THSD7A: variants seen among roughly 807,000 people sequenced by gnomAD.
THSD7A encodes thrombospondin type 1 domain containing 7A.
THSD7A carries 96 observed loss-of-function variants against 231.3 expected under a neutral mutation model. That is an observed-to-expected ratio of 0.41 (90% CI 0.35 to 0.49). The LOEUF is 0.49. Among genes scored for constraint, THSD7A ranks in the 20% least tolerant of loss-of-function variants. The pLI is 0.05. For missense variants in THSD7A, 2,290 were observed against 2,070.2 expected, an observed-to-expected ratio of 1.11 and a Z score of -2.06; for synonymous variants, 940 against 743.3, an observed-to-expected ratio of 1.26 and a Z score of -4.30.
rs752405054 is a variant in THSD7A at position 11,470,011 on chromosome 7, G to A, written c.2253-17C>T. 4.0e-6 allele frequency: 6 copies of A among 1,487,186 alleles called. No homozygotes were observed. The highest frequency in any genetic ancestry group is 5.5e-6 in the Non-Finnish European group (6 of 1,082,220). 92.1% of individuals were successfully genotyped at this position (1,487,186 alleles called of 1,614,324 possible). ...TCAGGACATCTAGAAAGGCAAAGGGGAATTATTAGGCTTCAATAGTAAAGC... is the reference window on the plus strand; with the variant it reads ...TCAGGACATCTAGAAAGGCAAAGGGAAATTATTAGGCTTCAATAGTAAAGC... On this transcript the variant is annotated splice_polypyrimidine_tract_variant and intron_variant, in intron 8 of 27. Coordinates refer to ENST00000423059, the MANE Select transcript of THSD7A (RefSeq NM_015204.3).
intron 1 of THSD7A, among the ~76,000 whole-genome samples, chr7:11,788,775 G>T (rs1783865336): frequency 6.6e-6 from 1 of 151,872 alleles, no homozygotes; most frequent in African/African-American, 2.4e-5. Flanking sequence ...TCTGTAAAAT[G>T]GGGACAATAA....
chr7:11,439,908 T>G (rs575159538), intron 13 of THSD7A, among the ~76,000 whole-genome samples: 12 of 152,018 alleles, frequency 7.9e-5, no homozygotes, highest in Non-Finnish European at 1.6e-4. Flanking sequence ...AAGCAACAGA[T>G]TTTTCAATGT....
chr7:11,373,034 A>AATT lies in THSD7A; in HGVS notation c.*2757_*2759dup, dbSNP rs1782117851. On this transcript the variant is annotated 3_prime_UTR_variant, in exon 28 of 28. Transcript: ENST00000423059. ...TCTAATATTAGGTCATGTTGAACCT[A>AATT]ATTTCCTCTCTCTCATATATATGGG... 6.7e-6 allele frequency: 1 copy of AATT among 149,706 alleles called. No individual in the cohort carries two copies. The allele number at this position is 149,706 out of a possible 1,614,324, so 9.3% of individuals were successfully genotyped here. A position where few individuals can be genotyped will look rare whatever the true frequency, so the allele number is the denominator to read the frequency against.
At chr7:11,544,013 A>G (rs1271852379) in intron 4 of THSD7A, among the ~76,000 whole-genome samples, 1 of 152,084 alleles carries the variant, frequency 6.6e-6, no homozygotes, top group African/African-American at 2.4e-5. Context: ...CTGTCTGTCT[A>G]TCTCCTGATG....
chr7:11,404,150 A>G (rs1403297482), intron 22 of THSD7A, among the ~76,000 whole-genome samples: 3 of 152,118 alleles, frequency 2.0e-5, no homozygotes, highest in Non-Finnish European at 4.4e-5. Flanking sequence ...TATATTATAT[A>G]TTATTGTCAC....
At chr7:11,484,093 A>G (rs17556309) in intron 6 of THSD7A, among the ~76,000 whole-genome samples, 10,739 of 150,128 alleles carry the variant, frequency 0.072, 486 homozygotes, top group Admixed American at 0.099. Flanking sequence ...GGCCAGGTGT[A>G]CTTTCCTGTA....
intron 6 of THSD7A, among the ~76,000 whole-genome samples, chr7:11,538,935 G>T (rs913108189): frequency 6.6e-6 from 1 of 152,154 alleles, no homozygotes; most frequent in African/African-American, 2.4e-5. Flanking sequence ...GTGTTTTGAG[G>T]TCATTAACAA....
At chr7:11,473,119 T>C (rs1192504576) in intron 8 of THSD7A, among the ~76,000 whole-genome samples, 1 of 152,192 alleles carries the variant, frequency 6.6e-6, no homozygotes, top group Non-Finnish European at 1.5e-5. Context: ...GCATGTCTTC[T>C]GTGTTTCCTA....
At chr7:11,827,063 G>A (rs538621151) in intron 1 of THSD7A, among the ~76,000 whole-genome samples, 1 of 152,164 alleles carries the variant, frequency 6.6e-6, no homozygotes, top group African/African-American at 2.4e-5. Context: ...GAGTACAATG[G>A]TGTAGTCATG....
chr7:11,644,105 C>T (rs911042988), intron 1 of THSD7A, among the ~76,000 whole-genome samples: 1 of 150,532 alleles, frequency 6.6e-6, no homozygotes, highest in Non-Finnish European at 1.5e-5. Flanking sequence ...ATTGTGGTTT[C>T]CAGAAATACA....
rs374780919 is a variant in THSD7A, at chr7:11,603,209, T to C, written c.1023-9707A>G. On this transcript the variant is annotated intron_variant, in intron 2 of 27. Transcript: ENST00000423059. ...AAAAACAAACAACCTCATGAAAAAG[T>C]GGGCGAAGGACATGAACAGACACTT... 2.8e-4 allele frequency among the ~76,000 whole-genome samples: 43 copies of C among 151,992 alleles called. No homozygotes were observed. In the East Asian group the frequency reaches 7.9e-3, roughly 28 times the overall value.
In THSD7A at chr7:11,512,942, G is replaced by GATAT. The variant is rs59121982; in HGVS notation, c.1822+28473_1822+28476dup. Among the ~76,000 whole-genome samples, 109 of 101,990 alleles carry GATAT rather than the reference G, an allele frequency of 1.1e-3. 16 individuals are homozygous for GATAT. Among genetic ancestry groups the GATAT allele is most frequent in the African/African-American group, 4.1e-3 (89 of 21,630 alleles). The allele number at this position is 101,990 out of a possible 152,430, so 66.9% of individuals were successfully genotyped here. On this transcript the variant is annotated intron_variant, in intron 6 of 27. Transcript: ENST00000423059. ...TAAAGTATAATAAAAAAGAAACTAT[G>GATAT]ATATATATATATATATATGTAAAAT...
intron 2 of THSD7A, among the ~76,000 whole-genome samples, chr7:11,616,565 C>T (rs1208161144): frequency 6.6e-6 from 1 of 152,134 alleles, no homozygotes; most frequent in Non-Finnish European, 1.5e-5. Flanking sequence ...AATTGAAAAT[C>T]TGCTTCCTAG....
At chr7:11,777,751 A>G (rs1783463843) in intron 1 of THSD7A, among the ~76,000 whole-genome samples, 1 of 152,170 alleles carries the variant, frequency 6.6e-6, no homozygotes, top group Non-Finnish European at 1.5e-5. Flanking sequence ...TTTAACAGGG[A>G]TGAAATAAAT....
intron 6 of THSD7A, among the ~76,000 whole-genome samples, chr7:11,504,442 G>T (rs1310185914): frequency 2.0e-5 from 3 of 152,020 alleles, no homozygotes; most frequent in Non-Finnish European, 4.4e-5. Flanking sequence ...TGACATGTTT[G>T]TCTATATAAC....
chr7:11,526,726 G>A (rs1367654108), intron 6 of THSD7A, among the ~76,000 whole-genome samples: 2 of 152,144 alleles, frequency 1.3e-5, no homozygotes, highest in African/African-American at 2.4e-5. Flanking sequence ...CTGCTGCCAT[G>A]TAAGACATGC....
chr7:11,538,244 CAAAA>C (rs778378681), intron 6 of THSD7A, among the ~76,000 whole-genome samples: 6 of 151,636 alleles, frequency 4.0e-5, no homozygotes, highest in Admixed American at 3.9e-4. Context: ...CAAAAACAAA[CAAAA>C]AAATAACATA....
chr7:11,526,339 CTTGAG>C (rs950499630), intron 6 of THSD7A, among the ~76,000 whole-genome samples: 59 of 152,196 alleles, frequency 3.9e-4, no homozygotes, highest in African/African-American at 1.0e-3. Context: ...TTATTTACTC[CTTGAG>C]TTAACATGAG....
At chr7:11,545,764 CA>C (rs1789353568) in intron 4 of THSD7A, among the ~76,000 whole-genome samples, 2 of 152,174 alleles carry the variant, frequency 1.3e-5, no homozygotes, top group Admixed American at 6.5e-5. Context: ...GGAGAGTTAT[CA>C]GGGGCAGGTC....
Sources: gnomAD v4.1 joint callset for allele counts (sites outside exome capture counted in the v4.1 genomes callset) on GRCh38, gnomAD v4.1.1 for gene constraint, MANE v1.5 for transcripts, NCBI Gene and HGNC (gene_info 2026-07-23, HGNC 2026-07-21) for gene names.